Variants in FHOD3 observed in about 807,000 individuals in gnomAD.
The protein encoded by FHOD3 is formin homology 2 domain containing 3, also known as FH1/FH2 domain-containing protein 3.
Under a neutral mutation model 173.0 loss-of-function variants are expected in FHOD3, and 90 were observed. The ratio of observed to expected loss-of-function variants is 0.52; its 90% confidence interval spans 0.44 to 0.62. The LOEUF (loss-of-function observed/expected upper bound fraction) is 0.62. FHOD3 is among the 20% of genes least tolerant of loss of function. The probability of loss-of-function intolerance (pLI) is 0.00; values close to 1 mark genes in which losing one functional copy is unlikely to be tolerated. For synonymous variants in FHOD3, 828 were observed against 823.0 expected, an observed-to-expected ratio of 1.01 and a Z score of -0.10; for missense variants, 1,945 against 2,034.7, an observed-to-expected ratio of 0.96 and a Z score of 0.85.
At chr18:36,658,210 A>G (rs1165317651) in intron 14 of FHOD3, 22 bp downstream of exon 14, 4 of 1,506,948 alleles carry the variant, frequency 2.7e-6, no homozygotes, top group Admixed American at 1.9e-5. Flanking sequence ...AAGCACGCTG[A>G]TAGCTTCACA....
chr18:36,320,110 G>C (rs911094102), intron 1 of FHOD3, among the ~76,000 whole-genome samples: 7 of 152,138 alleles, frequency 4.6e-5, no homozygotes, highest in African/African-American at 1.4e-4. Context: ...AAAGCTAGCA[G>C]AAGGCAAGAA....
At chr18:36,741,190 A>T (rs2041885097) in intron 21 of FHOD3, among the ~76,000 whole-genome samples, 1 of 152,186 alleles carries the variant, frequency 6.6e-6, no homozygotes, top group Non-Finnish European at 1.5e-5. Flanking sequence ...CTTCCACGTG[A>T]TGATAATCAC....
At chr18:36,530,953 CTT>C (rs1568390158) in intron 5 of FHOD3, among the ~76,000 whole-genome samples, 1 of 152,124 alleles carries the variant, frequency 6.6e-6, no homozygotes, top group African/African-American at 2.4e-5. Flanking sequence ...TGGGAAAAGA[CTT>C]TTCCTTGGCC....
At chr18:36,484,555 C>G (rs2054094004) in intron 3 of FHOD3, among the ~76,000 whole-genome samples, 1 of 152,008 alleles carries the variant, frequency 6.6e-6, no homozygotes. Flanking sequence ...AAAAACAGGC[C>G]TCCTCATAAT....
intron 6 of FHOD3, among the ~76,000 whole-genome samples, chr18:36,592,321 A>G (rs976685650): frequency 1.3e-5 from 2 of 152,248 alleles, no homozygotes; most frequent in Non-Finnish European, 2.9e-5. Context: ...CTCTGATCTG[A>G]AGGATGAGGT....
At chr18:36,417,904 A>T (rs1402669109) in intron 3 of FHOD3, among the ~76,000 whole-genome samples, 1 of 152,228 alleles carries the variant, frequency 6.6e-6, no homozygotes, top group Non-Finnish European at 1.5e-5. Context: ...TAATCAACTT[A>T]TATTAACTGT....
intron 1 of FHOD3, among the ~76,000 whole-genome samples, chr18:36,314,911 A>G (rs1419208739): frequency 6.6e-6 from 1 of 152,178 alleles, no homozygotes; most frequent in Non-Finnish European, 1.5e-5. Context: ...TAGCACTTGC[A>G]TTCCTGAGGA....
Position 36,449,857 on chromosome 18 carries a change from ATGG to A in FHOD3, c.338-52073_338-52071del, listed in dbSNP as rs2051721645. On this transcript the variant is annotated intron_variant, in intron 3 of 28. Transcript: ENST00000590592. ...GAATGAACACTAAAAATTATATATGATGGTAATGATGATGAAAATGACCATATT... is the reference window on the plus strand; with the variant it reads ...GAATGAACACTAAAAATTATATATGATAATGATGATGAAAATGACCATATT... Among the ~76,000 whole-genome samples, 5 of 152,162 alleles carry A rather than the reference ATGG, an allele frequency of 3.3e-5. No individual in the cohort carries two copies. The South Asian group carries it at 1.0e-3, about 32-fold the overall frequency.
chr18:36,692,842 C>T, intron 16 of FHOD3: 1 of 242,608 alleles, frequency 4.1e-6, no homozygotes, highest in South Asian at 5.9e-5. Context: ...CAGCTGTGAG[C>T]TCCGAGGGGG....
intron 5 of FHOD3, among the ~76,000 whole-genome samples, chr18:36,550,486 A>G (rs1462115111): frequency 6.6e-6 from 1 of 151,862 alleles, no homozygotes; most frequent in Non-Finnish European, 1.5e-5. Flanking sequence ...GGGGAAAAAA[A>G]GCTTGCTTAG....
intron 1 of FHOD3, among the ~76,000 whole-genome samples, chr18:36,354,330 T>C (rs910152218): frequency 2.6e-5 from 4 of 152,126 alleles, no homozygotes; most frequent in Non-Finnish European, 5.9e-5. Context: ...GCAAGTAACA[T>C]AGCCTCTCTT....
At chr18:36,370,663 T>C (rs1356777254) in intron 2 of FHOD3, among the ~76,000 whole-genome samples, 2 of 152,236 alleles carry the variant, frequency 1.3e-5, no homozygotes, top group African/African-American at 4.8e-5. Flanking sequence ...CTCATGCTTT[T>C]TCTCTCTCTG....
rs2059003050 is a variant in FHOD3 at position 36,585,690 on chromosome 18, A to C, written c.607-9097A>C. Reference sequence around the variant, plus strand: ...AGGCTTGCTGATAAACCAGAATTTTAACTTACAAAGACATTATTTTTGTGA... The same window carrying C: ...AGGCTTGCTGATAAACCAGAATTTTCACTTACAAAGACATTATTTTTGTGA... On this transcript the variant is annotated intron_variant, in intron 6 of 28. Coordinates refer to ENST00000590592, the MANE Select transcript of FHOD3 (RefSeq NM_001281740.3). Among the ~76,000 whole-genome samples, 4 of 152,198 alleles carry C rather than the reference A, an allele frequency of 2.6e-5. No individual in the cohort carries two copies. In the South Asian group the frequency reaches 8.3e-4, roughly 32 times the overall value.
intron 3 of FHOD3, among the ~76,000 whole-genome samples, chr18:36,419,064 G>T (rs1355839): frequency 0.027 from 4,097 of 152,092 alleles, 163 homozygotes; most frequent in African/African-American, 0.094. Context: ...GAACTTACAA[G>T]GTTAAAATCA....
chr18:36,666,877 T>A (rs1301577759), intron 14 of FHOD3, among the ~76,000 whole-genome samples: 1 of 152,162 alleles, frequency 6.6e-6, no homozygotes, highest in Non-Finnish European at 1.5e-5. Flanking sequence ...TGCATATCCA[T>A]CACCCCAAAA....
chr18:36,399,194 A>G (rs1380066679), intron 3 of FHOD3, among the ~76,000 whole-genome samples: 1 of 152,100 alleles, frequency 6.6e-6, no homozygotes, highest in Non-Finnish European at 1.5e-5. Flanking sequence ...GGTGTAGCTC[A>G]GGTGCTTCTC....
intron 1 of FHOD3, among the ~76,000 whole-genome samples, chr18:36,326,539 G>A (rs1024222905): frequency 6.6e-6 from 1 of 152,110 alleles, no homozygotes; most frequent in South Asian, 2.1e-4. Context: ...AGGCTGAGGC[G>A]GGAGGATCTC....
At chr18:36,502,308 T>C (rs2055079610) in intron 4 of FHOD3, among the ~76,000 whole-genome samples, 1 of 152,164 alleles carries the variant, frequency 6.6e-6, no homozygotes, top group East Asian at 1.9e-4. Flanking sequence ...TGCAGGTTTG[T>C]TACACAGGCA....
At chr18:36,342,174 C>A (rs933562901) in intron 1 of FHOD3, among the ~76,000 whole-genome samples, 12 of 151,884 alleles carry the variant, frequency 7.9e-5, no homozygotes, top group African/African-American at 2.9e-4. Context: ...ATATTAAGAC[C>A]AATTTGTGAA....
Sources: allele counts gnomAD v4.1 joint callset (sites outside exome capture counted in the v4.1 genomes callset), GRCh38; gene constraint gnomAD v4.1.1; transcripts MANE v1.5; gene names NCBI Gene and HGNC (gene_info 2026-07-23, HGNC 2026-07-21).